The following FSIP2 variants were observed in gnomAD, a reference collection of about 807,000 sequenced individuals.
FSIP2 encodes the protein fibrous sheath interacting protein 2.
FSIP2 carries 367 observed loss-of-function variants against 510.5 expected under a neutral mutation model. That is an observed-to-expected ratio of 0.72 (90% CI 0.66 to 0.78). The LOEUF (loss-of-function observed/expected upper bound fraction) is 0.78, where lower values mean the gene tolerates loss of function less well. Among genes scored for constraint, FSIP2 ranks in the 30% least tolerant of loss-of-function variants. The pLI is 0.00. For synonymous variants in FSIP2, 2,601 were observed against 2,732.2 expected (o/e 0.95, Z 1.50); for missense variants, 7,594 against 7,901.7 (o/e 0.96, Z 1.48).
intron 13 of FSIP2, among the ~76,000 whole-genome samples, chr2:185,778,749 C>T (rs1224719217): frequency 2.0e-5 from 3 of 151,834 alleles, no homozygotes; most frequent in African/African-American, 7.2e-5. Context: ...TATGTCCATT[C>T]AATCAAGACG....
chr2:185,741,146 T>C (rs1174435928), intron 2 of FSIP2, among the ~76,000 whole-genome samples: 2 of 152,192 alleles, frequency 1.3e-5, no homozygotes, highest in Non-Finnish European at 2.9e-5. Context: ...AACTGTGGCT[T>C]TTGTCTCCTC....
Position 185,751,100 on chromosome 2 carries a change from A to G in FSIP2, c.871-2622A>G, listed in dbSNP as rs1478628403. Among the ~76,000 whole-genome samples, 3 of 151,530 alleles carry G rather than the reference A, an allele frequency of 2.0e-5. No homozygotes were observed. In the Admixed American group the frequency reaches 2.0e-4, roughly 10 times the overall value. ...TTTTATAACTGTTCTCTAGATATCA[A>G]GTTCATTGATAGAATTGTTCAAATC... On this transcript the variant is annotated intron_variant, in intron 7 of 22. Transcript: ENST00000424728.
intron 13 of FSIP2, among the ~76,000 whole-genome samples, chr2:185,781,806 G>GTGT (rs1559022118): frequency 6.6e-6 from 1 of 151,516 alleles, no homozygotes; most frequent in African/African-American, 2.4e-5. Context: ...ATTAAAAATA[G>GTGT]TGTTGTCTTC....
Position 185,796,571 on chromosome 2 carries a change from G to C in FSIP2, c.9435G>C (p.Leu3145Phe). Residue 3145 changes from leucine to phenylalanine, a missense_variant, in exon 16 of 23, where the codon TTG (leucine) becomes TTC (phenylalanine). Transcript: ENST00000424728. Reference protein sequence around the residue: ...SLIQNLSRESLFQGAENAYTV... With the variant: ...SLIQNLSRESFFQGAENAYTV... Reference sequence around the variant, plus strand: ...TACAAAACCTTTCAAGAGAAAGTTTGTTCCAAGGAGCTGAAAATGCCTACA... The same window carrying C: ...TACAAAACCTTTCAAGAGAAAGTTTCTTCCAAGGAGCTGAAAATGCCTACA... 4 of 1,534,984 alleles carry C rather than the reference G, an allele frequency of 2.6e-6. No individual in the cohort carries two copies. Among genetic ancestry groups the C allele is most frequent in the Non-Finnish European group, 3.5e-6 (4 of 1,146,200 alleles).
intron 20 of FSIP2, 46 bp downstream of exon 20, chr2:185,824,526 G>T: frequency 1.8e-6 from 2 of 1,115,598 alleles, no homozygotes; most frequent in African/African-American, 1.6e-5. Context: ...TTACTACTTT[G>T]ATGTGTTTTT....
rs1693785736 is a variant in FSIP2 at position 185,813,914 on chromosome 2, A to G, written c.20197A>G (p.Ile6733Val). The G allele has an allele frequency of 6.2e-7, 1 of 1,613,706 alleles. No individual in the cohort carries two copies. Among genetic ancestry groups the G allele is most frequent in the South Asian group, 1.1e-5 (1 of 91,070 alleles). The part of the protein sequence containing the change: ...ASANIESTEA[I>V]SNQVIESKET... ...TGCAAATATTGAAAGTACTGAAGCAATCTCAAATCAGGTAATAGAATCCAA... is the reference window on the plus strand; with the variant it reads ...TGCAAATATTGAAAGTACTGAAGCAGTCTCAAATCAGGTAATAGAATCCAA... The change falls in exon 18 of 23, where the codon ATC (isoleucine) becomes GTC (valine). Residue 6733 changes from isoleucine (I) to valine (V), a missense_variant. Transcript: ENST00000424728.
At position 185,807,704 on chromosome 2, in the gene FSIP2, A is replaced by C. The variant is rs1159168301; in HGVS notation, c.18398A>C (p.Tyr6133Ser). Residue 6133 changes from tyrosine to serine, a missense_variant, in exon 17 of 23, where the codon TAT becomes TCT. Tyr to Ser is a moderately radical substitution (Grantham distance 144). Coordinates refer to ENST00000424728, the MANE Select transcript of FSIP2 (RefSeq NM_173651.4). The part of the protein sequence containing the change: ...REVASNQLQS[Y>S]FCGELTPHQC... ...GTGGCTAGCAATCAGCTGCAGAGCTATTTTTGTGGAGAGCTAACTCCACAT... is the reference window on the plus strand; with the variant it reads ...GTGGCTAGCAATCAGCTGCAGAGCTCTTTTTGTGGAGAGCTAACTCCACAT... 3.1e-6 allele frequency: 5 copies of C among 1,612,706 alleles called. No homozygotes were observed. Among genetic ancestry groups the C allele is most frequent in the Admixed American group, 3.3e-5 (2 of 59,844 alleles).
In FSIP2 at chr2:185,747,344, C is replaced by A; in HGVS notation, c.791C>A (p.Thr264Lys). ...EWKTKEMLLL[T>K]RMAEDVKREE... The stretch of plus-strand genomic sequence containing the variant: ...AAGACAAAAGAGATGTTACTTCTGA[C>A]AAGGATGGCAGAAGATGTTAAAAGA... Residue 264 changes from threonine (T) to lysine (K), a missense_variant, in exon 7 of 23, where the codon ACA (threonine) becomes AAA (lysine). Thr to Lys is a moderately conservative substitution (Grantham distance 78). Transcript: ENST00000424728. 6.5e-7 allele frequency: 1 copy of A among 1,531,356 alleles called. No individual in the cohort carries two copies. Among genetic ancestry groups the A allele is most frequent in the Non-Finnish European group, 8.8e-7 (1 of 1,142,842 alleles). 94.9% of individuals were successfully genotyped at this position (1,531,356 alleles called of 1,614,324 possible).
intron 2 of FSIP2, among the ~76,000 whole-genome samples, chr2:185,741,769 T>A (rs996050160): frequency 2.0e-5 from 3 of 152,220 alleles, no homozygotes. Flanking sequence ...GTCAGAAACT[T>A]AAAGAAGCTT....
chr2:185,788,911 T>C lies in FSIP2; in HGVS notation c.1775T>C (p.Val592Ala), dbSNP rs867937380. ...TGTGCATTTGTAGTTGACACGTCAGTAAGGAGACCAACCACACCTATAAAA... is the reference window on the plus strand; with the variant it reads ...TGTGCATTTGTAGTTGACACGTCAGCAAGGAGACCAACCACACCTATAAAA... ...EPCAFVVDTS[V>A]RRPTTPIKPP... The change falls in exon 16 of 23, where the codon GTA (valine) becomes GCA (alanine). Residue 592 changes from valine (V) to alanine (A), a missense_variant. Physicochemically the swap from Val to Ala is moderately conservative, Grantham distance 64 (BLOSUM62 0). Transcript: ENST00000424728. 4.8e-5 allele frequency: 74 copies of C among 1,535,074 alleles called. No homozygotes were observed. In the Middle Eastern group the frequency reaches 3.8e-3, roughly 80 times the overall value.
intron 5 of FSIP2, among the ~76,000 whole-genome samples, 166 bp downstream of exon 5, chr2:185,745,734 A>G (rs377031611): frequency 2.0e-5 from 3 of 152,322 alleles, no homozygotes; most frequent in South Asian, 4.1e-4. Flanking sequence ...ATTTTCTACC[A>G]GAGGGGTTAG....
chr2:185,818,969 A>ATT (rs1463314736), intron 19 of FSIP2, among the ~76,000 whole-genome samples: 1 of 151,916 alleles, frequency 6.6e-6, no homozygotes, highest in Non-Finnish European at 1.5e-5. Context: ...TCCACTTTTT[A>ATT]TTTTCTAAAG....
chr2:185,806,785 A>G lies in FSIP2; in HGVS notation c.17479A>G (p.Thr5827Ala), dbSNP rs757315469. ...GCAAAATCAAGCCAAACTCTATGAC[A>G]CTGCTATGAAACTCATCAATTCACT... is the stretch of plus-strand genomic sequence containing the variant. The part of the protein sequence containing the change: ...DKQNQAKLYD[T>A]AMKLINSLLK... Residue 5827 changes from threonine to alanine, a missense_variant, in exon 17 of 23, where the codon ACT (threonine) becomes GCT (alanine). Physicochemically the swap from Thr to Ala is moderately conservative, Grantham distance 58. Coordinates refer to ENST00000424728, the MANE Select transcript of FSIP2 (RefSeq NM_173651.4). 11 of 1,611,882 alleles carry G rather than the reference A, an allele frequency of 6.8e-6. No homozygotes were observed. Among genetic ancestry groups the G allele is most frequent in the Non-Finnish European group, 9.3e-6 (11 of 1,178,756 alleles).
At position 185,801,069 on chromosome 2, in the gene FSIP2, G is replaced by A. The variant is rs1475400513; in HGVS notation, c.11763G>A (p.Val3921=). 1.3e-6 allele frequency: 2 copies of A among 1,532,090 alleles called. No homozygotes were observed. Among genetic ancestry groups the A allele is most frequent in the East Asian group, 2.5e-5 (1 of 40,808 alleles). The allele number at this position is 1,532,090 out of a possible 1,614,324, so 94.9% of individuals were successfully genotyped here. A position where few individuals can be genotyped will look rare whatever the true frequency, so the allele number is the denominator to read the frequency against. Residue 3921 remains valine, a synonymous_variant, in exon 17 of 23, where the codon GTG becomes GTA. Transcript: ENST00000424728. ...SLTVSLNNPS[V]VSSKIQAPFN... is the part of the protein sequence containing the mutation. ...CAGTATCCCTGAATAATCCCAGTGT[G>A]GTTAGCTCCAAAATACAAGCACCAT... is the stretch of plus-strand genomic sequence containing the variant.
chr2:185,746,423 A>G (rs1389665645), intron 5 of FSIP2, among the ~76,000 whole-genome samples: 2 of 151,992 alleles, frequency 1.3e-5, no homozygotes, highest in Non-Finnish European at 2.9e-5. Flanking sequence ...GCTTTTTACC[A>G]TTATCTTTGC....
chr2:185,780,455 T>C (rs1001086338), intron 13 of FSIP2, among the ~76,000 whole-genome samples: 16 of 151,610 alleles, frequency 1.1e-4, no homozygotes, highest in African/African-American at 3.9e-4. Context: ...AATTAATTGC[T>C]TTGTAAAATT....
chr2:185,759,962 C>T (rs1361826500), intron 9 of FSIP2, among the ~76,000 whole-genome samples: 2 of 150,170 alleles, frequency 1.3e-5, no homozygotes, highest in African/African-American at 2.4e-5. Flanking sequence ...CTACAGGGCT[C>T]TTCATATTAT....
At chr2:185,764,711 T>TA in intron 13 of FSIP2, 146 bp downstream of exon 13, 1 of 593,002 alleles carries the variant, frequency 1.7e-6, no homozygotes, top group Non-Finnish European at 3.0e-6. Context: ...TCAGGGTTCT[T>TA]ACAGTATACT....
chr2:185,757,817 CA>C (rs1320829400), intron 9 of FSIP2, among the ~76,000 whole-genome samples: 1 of 151,200 alleles, frequency 6.6e-6, no homozygotes, highest in African/African-American at 2.4e-5. Context: ...TACCCTAAAG[CA>C]AAATGGAACA....
Sources: gnomAD v4.1 joint callset for allele counts (sites outside exome capture counted in the v4.1 genomes callset) on GRCh38, gnomAD v4.1.1 for gene constraint, MANE v1.5 for transcripts, NCBI Gene and HGNC (gene_info 2026-07-23, HGNC 2026-07-21) for gene names.